ETFDH: variants seen among roughly 807,000 people sequenced by gnomAD.
ETFDH encodes electron transfer flavoprotein dehydrogenase, also known as electron transfer flavoprotein-ubiquinone oxidoreductase, mitochondrial.
A neutral mutation model predicts 73.2 loss-of-function variants in ETFDH; 61 were observed. That is an observed-to-expected ratio of 0.83 (90% CI 0.68 to 1.03). The LOEUF (loss-of-function observed/expected upper bound fraction) is 1.03, where lower values mean the gene tolerates loss of function less well. ETFDH is among the 50% of genes least tolerant of loss of function. The pLI, the probability that ETFDH is intolerant of heterozygous loss-of-function variation, is 0.00. For missense variants in ETFDH, 685 were observed against 745.0 expected, an observed-to-expected ratio of 0.92 and a Z score of 0.94; for synonymous variants, 243 against 253.3, an observed-to-expected ratio of 0.96 and a Z score of 0.39.
Position 158,672,463 on chromosome 4 carries a change from G to C in ETFDH, c.7G>C (p.Val3Leu), listed in dbSNP as rs1271777116. 1 of 1,614,062 alleles carries C rather than the reference G, an allele frequency of 6.2e-7. No homozygotes were observed. Among genetic ancestry groups the C allele is most frequent in the East Asian group, 2.2e-5 (1 of 44,892 alleles). ...AGTCCTGGTGACTTTGAACATGCTG[G>C]TGCCGCTAGCCAAGCTGTCCTGCCT... ML[V>L]PLAKLSCLAY... The change falls in exon 1 of 13, where the codon GTG becomes CTG. Residue 3 changes from valine (V) to leucine (L), a missense_variant. Physicochemically the swap from Val to Leu is conservative, Grantham distance 32. Transcript: ENST00000511912.
chr4:158,682,148 A>G (rs1773874985), intron 2 of ETFDH, 47 bp from the exon 3 acceptor site: 11 of 1,611,114 alleles, frequency 6.8e-6, no homozygotes, highest in Non-Finnish European at 9.3e-6. Flanking sequence ...GTGATTTATC[A>G]TGTGATTATT....
rs778020609 is a variant in ETFDH at position 158,672,461 on chromosome 4, T to C, written c.5T>C (p.Leu2Pro). The change falls in exon 1 of 13, where the codon CTG becomes CCG. Residue 2 changes from leucine to proline, a missense_variant. Transcript: ENST00000511912. ...AGAGTCCTGGTGACTTTGAACATGCTGGTGCCGCTAGCCAAGCTGTCCTGC... is the reference window on the plus strand; with the variant it reads ...AGAGTCCTGGTGACTTTGAACATGCCGGTGCCGCTAGCCAAGCTGTCCTGC... M[L>P]VPLAKLSCLA... 6.2e-7 allele frequency: 1 copy of C among 1,614,146 alleles called. No homozygotes were observed. Among genetic ancestry groups the C allele is most frequent in the Non-Finnish European group, 8.5e-7 (1 of 1,179,994 alleles).
chr4:158,677,567 G>T (rs1330870883), intron 1 of ETFDH, among the ~76,000 whole-genome samples: 1 of 152,180 alleles, frequency 6.6e-6, no homozygotes, highest in African/African-American at 2.4e-5. Flanking sequence ...GCTTTGCAGG[G>T]CCAATCCAAA....
intron 9 of ETFDH, among the ~76,000 whole-genome samples, chr4:158,701,538 CT>C (rs1316796770): frequency 6.6e-6 from 1 of 152,194 alleles, no homozygotes; most frequent in Non-Finnish European, 1.5e-5. Flanking sequence ...CTTCTGCCCC[CT>C]AGTTTTGCTT....
At chr4:158,684,528 TG>T (rs1223140792) in intron 3 of ETFDH, 63 bp from the exon 4 acceptor site, 2 of 924,980 alleles carry the variant, frequency 2.2e-6, no homozygotes, top group Non-Finnish European at 3.5e-6. Flanking sequence ...ATAGTTTTTT[TG>T]TATTTATATT....
intron 1 of ETFDH, among the ~76,000 whole-genome samples, chr4:158,674,953 C>T (rs1246931782): frequency 6.6e-6 from 1 of 151,986 alleles, no homozygotes; most frequent in African/African-American, 2.4e-5. Flanking sequence ...TAGAAAATAA[C>T]TTTGAAAAAT....
chr4:158,706,062 C>T (rs1273276480), intron 10 of ETFDH, 127 bp from the exon 11 acceptor site: 4 of 710,966 alleles, frequency 5.6e-6, no homozygotes, highest in African/African-American at 3.5e-5. Flanking sequence ...ACCTGGGTGA[C>T]AGAGCAAGAC....
chr4:158,708,730 G>T lies in ETFDH; in HGVS notation c.*203G>T. ...TTTAAATAACCTTTATAAGAATGCAGCATCTTCCTACCTCTTCAGTTCTTC... is the reference window on the plus strand; with the variant it reads ...TTTAAATAACCTTTATAAGAATGCATCATCTTCCTACCTCTTCAGTTCTTC... On this transcript the variant is annotated 3_prime_UTR_variant, in exon 13 of 13. Transcript: ENST00000511912. 1.9e-6 allele frequency: 1 copy of T among 535,592 alleles called. No homozygotes were observed. The highest frequency in any genetic ancestry group is 3.3e-6 in the Non-Finnish European group (1 of 301,230). 33.2% of individuals were successfully genotyped at this position (535,592 alleles called of 1,614,324 possible).
chr4:158,708,675 T>C lies in ETFDH; in HGVS notation c.*148T>C. On this transcript the variant is annotated 3_prime_UTR_variant, in exon 13 of 13. Transcript: ENST00000511912. ...TAAAAATTTTATACTATATGTAAGA[T>C]TGTCCCATAAAGAAATTACGGGTAT... 4.4e-6 allele frequency: 3 copies of C among 682,916 alleles called. No homozygotes were observed. The highest frequency in any genetic ancestry group is 2.8e-5 in the East Asian group (1 of 36,202). The allele number at this position is 682,916 out of a possible 1,614,324, so 42.3% of individuals were successfully genotyped here.
intron 6 of ETFDH, among the ~76,000 whole-genome samples, chr4:158,694,179 A>G (rs1433415608): frequency 2.6e-5 from 4 of 152,206 alleles, no homozygotes; most frequent in African/African-American, 9.6e-5. Context: ...ATTTTTTTCA[A>G]TTCATCCATG....
chr4:158,690,242 C>A, intron 5 of ETFDH, 106 bp from the exon 6 acceptor site: 1 of 720,144 alleles, frequency 1.4e-6, no homozygotes. Context: ...TTTCTATAAT[C>A]TAGAGAAGAT....
At chr4:158,686,579 C>A (rs76827284) in intron 5 of ETFDH, among the ~76,000 whole-genome samples, 1,765 of 152,212 alleles carry the variant, frequency 0.012, 26 homozygotes, top group African/African-American at 0.038. Flanking sequence ...GAGCAGAACT[C>A]CTCTGGAGTG....
chr4:158,675,149 C>A (rs1773680536), intron 1 of ETFDH, among the ~76,000 whole-genome samples: 1 of 152,100 alleles, frequency 6.6e-6, no homozygotes, highest in South Asian at 2.1e-4. Context: ...ACCATCACTG[C>A]AGTCTATTTT....
At chr4:158,708,291 C>T (rs1183712180) in intron 12 of ETFDH, 73 bp from the exon 13 acceptor site, 3 of 1,175,550 alleles carry the variant, frequency 2.6e-6, no homozygotes, top group Non-Finnish European at 3.7e-6. Context: ...CTACTCTTTC[C>T]TTAATTTTTA....
chr4:158,693,393 C>G (rs888321834), intron 6 of ETFDH, among the ~76,000 whole-genome samples: 2 of 152,150 alleles, frequency 1.3e-5, no homozygotes, highest in African/African-American at 4.8e-5. Flanking sequence ...AGTAACTTGG[C>G]TGGGGTCAGA....
chr4:158,686,583 T>C (rs956764135), intron 5 of ETFDH, among the ~76,000 whole-genome samples: 1 of 152,190 alleles, frequency 6.6e-6, no homozygotes, highest in Non-Finnish European at 1.5e-5. Context: ...AGAACTCCTC[T>C]GGAGTGAGAG....
At chr4:158,697,490 G>A (rs1774337893) in intron 7 of ETFDH, 69 bp from the exon 8 acceptor site, 2 of 1,312,362 alleles carry the variant, frequency 1.5e-6, no homozygotes, top group South Asian at 2.5e-5. Flanking sequence ...CAAGTTTTAT[G>A]CATTGTGGTG....
At position 158,684,688 on chromosome 4, in the gene ETFDH, A is replaced by T. The variant is rs761674672; in HGVS notation, c.487+15A>T. Reference sequence around the variant, plus strand: ...AATTCTTCCAGGTAAGGTATAGTGAATATGCATAGAACTATGGAATTCCAC... The same window carrying T: ...AATTCTTCCAGGTAAGGTATAGTGATTATGCATAGAACTATGGAATTCCAC... On this transcript the variant is annotated intron_variant, in intron 4 of 12. Transcript: ENST00000511912. 4.7e-6 allele frequency: 6 copies of T among 1,283,668 alleles called. No individual in the cohort carries two copies. In the African/African-American group the frequency reaches 7.3e-5, roughly 16 times the overall value. 79.5% of individuals were successfully genotyped at this position (1,283,668 alleles called of 1,614,324 possible).
rs11931339 is a variant in ETFDH at position 158,706,865 on chromosome 4, C to T, written c.1690+15C>T. 4,330 of 1,501,634 alleles carry T rather than the reference C, an allele frequency of 2.9e-3. 70 individuals carry two copies. The African/African-American group carries it at 0.042, about 15-fold the overall frequency. The allele number at this position is 1,501,634 out of a possible 1,614,324, so 93.0% of individuals were successfully genotyped here. A position where few individuals can be genotyped will look rare whatever the true frequency, so the allele number is the denominator to read the frequency against. Reference sequence around the variant, plus strand: ...CTGTCCTGCAGGTAATAATTTCCATCTATTCCTAAATATTTGCTTTAAACA... The same window carrying T: ...CTGTCCTGCAGGTAATAATTTCCATTTATTCCTAAATATTTGCTTTAAACA... On this transcript the variant is annotated intron_variant, in intron 12 of 12. Coordinates refer to ENST00000511912, the MANE Select transcript of ETFDH (RefSeq NM_004453.4).
Sources: allele counts gnomAD v4.1 joint callset (sites outside exome capture counted in the v4.1 genomes callset), GRCh38; gene constraint gnomAD v4.1.1; transcripts MANE v1.5; gene names NCBI Gene and HGNC (gene_info 2026-07-23, HGNC 2026-07-21).